Variants in CORO2A observed in about 807,000 individuals in gnomAD.
CORO2A encodes the protein coronin-2A.
In CORO2A, 47 loss-of-function variants were observed where a neutral mutation model predicts 62.4. The observed-to-expected ratio is 0.75, with a 90% CI of 0.60 to 0.96. The LOEUF (loss-of-function observed/expected upper bound fraction) is 0.96, where lower values mean the gene tolerates loss of function less well. Ranked by LOEUF, CORO2A falls within the 40% of genes least tolerant of loss-of-function variation. The pLI, the probability that CORO2A is intolerant of heterozygous loss-of-function variation, is 0.00. For synonymous variants in CORO2A, 273 were observed against 268.9 expected, an observed-to-expected ratio of 1.02 and a Z score of -0.15; for missense variants, 610 against 684.1, an observed-to-expected ratio of 0.89 and a Z score of 1.21.
intron 1 of CORO2A, chr9:98,172,768 C>T (rs2275710): frequency 0.63 from 96,121 of 152,156 alleles, 30,937 homozygotes; most frequent in African/African-American, 0.76. Context: ...AATTGTTTGT[C>T]CAGGCTGGGC....
intron 1 of CORO2A, 78 bp downstream of exon 1, chr9:98,192,481 C>CCGGGGGCG (rs11281388): frequency 6.6e-5 from 10 of 152,226 alleles, no homozygotes; most frequent in Admixed American, 5.2e-4. Flanking sequence ...GGAGCTGCAG[C>CCGGGGGCG]CGCAGCGCGC....
chr9:98,129,723 C>A (rs1827377411), intron 8 of CORO2A, 71 bp downstream of exon 8: 1 of 1,196,758 alleles, frequency 8.4e-7, no homozygotes, highest in African/African-American at 1.5e-5. Flanking sequence ...GAAGCCCTGA[C>A]CCTGATTCTC....
At chr9:98,189,144 G>A (rs543231523) in intron 1 of CORO2A, among the ~76,000 whole-genome samples, 1 of 152,196 alleles carries the variant, frequency 6.6e-6, no homozygotes, top group South Asian at 2.1e-4. Flanking sequence ...GCCATTTCTT[G>A]TAAGTCAAAA....
At chr9:98,164,940 C>CACT (rs113301943) in intron 1 of CORO2A, among the ~76,000 whole-genome samples, 51,426 of 151,538 alleles carry the variant, frequency 0.34, 9,802 homozygotes, top group African/African-American at 0.51. Flanking sequence ...ACTCTCCCAC[C>CACT]ACTACCACCA....
At position 98,158,927 on chromosome 9, in the gene CORO2A, G is replaced by A. The variant is rs921402637; in HGVS notation, c.1-1267C>T. On this transcript the variant is annotated intron_variant, in intron 1 of 11. Transcript: ENST00000375077. ...AGGGGCGAGGAGAGCCAGATCACAA[G>A]TGGCCTGTGAGAGGGTCTAGGCCTC... Among the ~76,000 whole-genome samples, 3 of 152,194 alleles carry A rather than the reference G, an allele frequency of 2.0e-5. No individual in the cohort carries two copies. The East Asian group carries it at 5.8e-4, about 29-fold the overall frequency.
At chr9:98,169,921 C>T (rs552858503) in intron 1 of CORO2A, among the ~76,000 whole-genome samples, 5 of 152,238 alleles carry the variant, frequency 3.3e-5, no homozygotes, top group South Asian at 2.1e-4. Flanking sequence ...GCCTCCCCAG[C>T]TCTCAGACTG....
At chr9:98,126,942 T>A (rs758558528) in intron 10 of CORO2A, 119 bp from the exon 11 acceptor site, 3 of 1,143,124 alleles carry the variant, frequency 2.6e-6, no homozygotes, top group Non-Finnish European at 3.8e-6. Context: ...CCATGCAACA[T>A]GTGTGGGAAA....
chr9:98,134,999 C>G, intron 3 of CORO2A, 44 bp from the exon 4 acceptor site: 1 of 1,601,406 alleles, frequency 6.2e-7, no homozygotes, highest in African/African-American at 1.3e-5. Flanking sequence ...GCCAGGGCAC[C>G]TTGGCACCGT....
rs761073418 is a variant in CORO2A at position 98,142,221 on chromosome 9, G to A, written c.202-4533C>T. ...ATCCTGCACCTGTGGCAGGCATTGC[G>A]AATGGATCCCAGCACCCTCTCTCGG... is the stretch of plus-strand genomic sequence containing the variant. On this transcript the variant is annotated intron_variant, in intron 2 of 11. Coordinates refer to ENST00000375077, the MANE Select transcript of CORO2A (RefSeq NM_052820.4). Among the ~76,000 whole-genome samples the A allele has an allele frequency of 4.6e-5, 7 of 152,230 alleles. No individual in the cohort carries two copies. The South Asian group carries it at 8.3e-4, about 18-fold the overall frequency.
At position 98,128,722 on chromosome 9, in the gene CORO2A, G is replaced by T. The variant is rs1160812682; in HGVS notation, c.968-3C>A. ...GAGTCCTCTCTTTGGCATGACACCT[G>T]AAGGCAGACAGGGAGGGCCAAGAGG... On this transcript the variant is annotated splice_region_variant and splice_polypyrimidine_tract_variant and intron_variant, in intron 8 of 11. Coordinates refer to ENST00000375077, the MANE Select transcript of CORO2A (RefSeq NM_052820.4). The T allele has an allele frequency of 6.2e-7, 1 of 1,613,442 alleles. No individual in the cohort carries two copies. The highest frequency in any genetic ancestry group is 8.5e-7 in the Non-Finnish European group (1 of 1,179,374).
In CORO2A at chr9:98,166,160, G is replaced by A. The variant is rs562250466; in HGVS notation, c.1-8500C>T. 4.6e-5 allele frequency among the ~76,000 whole-genome samples: 7 copies of A among 152,044 alleles called. No homozygotes were observed. In the East Asian group the frequency reaches 1.2e-3, roughly 25 times the overall value. ...TTAACAGCCACACAGATACAATCAG[G>A]AAAAAAACACAGGACATCCTACATG... is the stretch of plus-strand genomic sequence containing the variant. On this transcript the variant is annotated intron_variant, in intron 1 of 11. Coordinates refer to ENST00000375077, the MANE Select transcript of CORO2A (RefSeq NM_052820.4).
intron 2 of CORO2A, among the ~76,000 whole-genome samples, chr9:98,155,029 C>T (rs1385329818): frequency 6.6e-6 from 1 of 152,208 alleles, no homozygotes; most frequent in Non-Finnish European, 1.5e-5. Flanking sequence ...CCAGTTTACA[C>T]TCCCATCAGA....
chr9:98,153,692 A>ACACACT (rs978971769), intron 2 of CORO2A, among the ~76,000 whole-genome samples: 3 of 144,954 alleles, frequency 2.1e-5, no homozygotes, highest in Non-Finnish European at 4.6e-5. Context: ...ACACACACAC[A>ACACACT]CTCACACACA....
chr9:98,141,069 TC>T lies in CORO2A; in HGVS notation c.202-3382del, dbSNP rs544361769. On this transcript the variant is annotated intron_variant, in intron 2 of 11. Coordinates refer to ENST00000375077, the MANE Select transcript of CORO2A (RefSeq NM_052820.4). ...TGGATGTAACTTACCCTCAAAGAGT[TC>T]TGAAAACAAAAAATTATACACACAC... Among the ~76,000 whole-genome samples, 208 of 152,216 alleles carry T rather than the reference TC, an allele frequency of 1.4e-3. 1 individual carries two copies. The highest frequency in any genetic ancestry group is 3.5e-3 in the Admixed American group (54 of 15,284).
intron 2 of CORO2A, among the ~76,000 whole-genome samples, chr9:98,143,103 G>T (rs1320435357): frequency 1.3e-5 from 2 of 152,164 alleles, no homozygotes; most frequent in African/African-American, 4.8e-5. Flanking sequence ...TAAATCAGGG[G>T]AGACACGCCT....
chr9:98,151,918 G>A (rs1347781222), intron 2 of CORO2A, among the ~76,000 whole-genome samples: 6 of 150,476 alleles, frequency 4.0e-5, no homozygotes, highest in African/African-American at 9.8e-5. Context: ...CCGGGTTCAC[G>A]CCATTCTCCT....
intron 2 of CORO2A, among the ~76,000 whole-genome samples, chr9:98,141,442 C>G (rs1425185689): frequency 1.3e-5 from 2 of 151,730 alleles, no homozygotes; most frequent in Non-Finnish European, 2.9e-5. Context: ...ACCTCCACCT[C>G]CCAGGTTCAA....
chr9:98,132,418 C>A, intron 5 of CORO2A, 117 bp from the exon 6 acceptor site: 1 of 736,190 alleles, frequency 1.4e-6, no homozygotes, highest in Non-Finnish European at 2.3e-6. Flanking sequence ...CTCCCTTTCT[C>A]ACCCCAGCTC....
chr9:98,128,064 C>A, intron 10 of CORO2A, 106 bp downstream of exon 10: 2 of 859,990 alleles, frequency 2.3e-6, no homozygotes, highest in South Asian at 3.3e-5. Flanking sequence ...CTTCTGAGGT[C>A]ATGAGAGAAG....
Sources: gnomAD v4.1 joint callset for allele counts (sites outside exome capture counted in the v4.1 genomes callset) on GRCh38, gnomAD v4.1.1 for gene constraint, MANE v1.5 for transcripts, NCBI Gene and HGNC (gene_info 2026-07-23, HGNC 2026-07-21) for gene names.